Variants in ESCO1 observed in about 807,000 individuals in gnomAD.
The protein encoded by ESCO1 is establishment of sister chromatid cohesion N-acetyltransferase 1.
ESCO1 carries 33 observed loss-of-function variants against 83.5 expected under a neutral mutation model. The ratio of observed to expected loss-of-function variants is 0.40; its 90% CI spans 0.30 to 0.53. ESCO1 has a LOEUF of 0.53. ESCO1 is among the 20% of genes least tolerant of loss of function. The pLI is 0.63. For synonymous variants in ESCO1, 332 were observed against 324.3 expected (o/e 1.02, Z -0.25); for missense variants, 855 against 968.0 (o/e 0.88, Z 1.55).
At chr18:21,548,026 C>G (rs1417295414) in intron 8 of ESCO1, among the ~76,000 whole-genome samples, 2 of 152,112 alleles carry the variant, frequency 1.3e-5, no homozygotes, top group African/African-American at 4.8e-5. Flanking sequence ...GGCGTGAACC[C>G]AGGAGGTGGA....
At chr18:21,542,695 T>A (rs911058106) in intron 8 of ESCO1, among the ~76,000 whole-genome samples, 1 of 152,160 alleles carries the variant, frequency 6.6e-6, no homozygotes, top group Non-Finnish European at 1.5e-5. Flanking sequence ...AGCAATAAAT[T>A]CAAATCATAG....
intron 2 of ESCO1, among the ~76,000 whole-genome samples, chr18:21,579,328 C>T (rs772867944): frequency 5.2e-4 from 79 of 151,970 alleles, no homozygotes; most frequent in Admixed American, 2.8e-3. Context: ...CATGGTGGCA[C>T]GCGCCTGTAG....
chr18:21,590,704 C>T (rs1193386038), intron 1 of ESCO1, among the ~76,000 whole-genome samples: 1 of 151,862 alleles, frequency 6.6e-6, no homozygotes, highest in Non-Finnish European at 1.5e-5. Flanking sequence ...AATCCCAGCA[C>T]TTTGGGAGGC....
At position 21,564,320 on chromosome 18, in the gene ESCO1, T is replaced by TA. The variant is rs762456232; in HGVS notation, c.1707-4dup. On this transcript the variant is annotated splice_polypyrimidine_tract_variant and splice_region_variant and intron_variant, in intron 6 of 11. Transcript: ENST00000269214. ...AAGAATGATTTCGTGGTGTCTCCCT[T>TA]AAAAAAAATAAAATTACTAAATGTT... 3.0e-5 allele frequency: 47 copies of TA among 1,547,276 alleles called. No individual in the cohort carries two copies. The highest frequency in any genetic ancestry group is 3.6e-5 in the Admixed American group (2 of 55,644).
intron 1 of ESCO1, chr18:21,593,369 C>G (rs1199213961): frequency 1.2e-5 from 2 of 165,050 alleles, no homozygotes; most frequent in Non-Finnish European, 2.6e-5. Flanking sequence ...TGGTGGATCA[C>G]TCGCGGTTAG....
At chr18:21,570,658 T>C (rs1273534605) in intron 4 of ESCO1, among the ~76,000 whole-genome samples, 2 of 152,134 alleles carry the variant, frequency 1.3e-5, no homozygotes, top group Non-Finnish European at 2.9e-5. Flanking sequence ...ATTTTAACTA[T>C]AGGGAGATGG....
intron 9 of ESCO1, among the ~76,000 whole-genome samples, chr18:21,536,626 G>A (rs1397733222): frequency 6.6e-6 from 1 of 150,602 alleles, no homozygotes; most frequent in African/African-American, 2.4e-5. Context: ...TTGAATGACT[G>A]TACTGATCAA....
chr18:21,593,133 C>A (rs1204481227), intron 1 of ESCO1: 148 of 164,350 alleles, frequency 9.0e-4, no homozygotes, highest in African/African-American at 3.6e-3. Context: ...AGGGGCTCCT[C>A]ACATCCCAGA....
rs2038405082 is a variant in ESCO1, at chr18:21,575,307, C to T, written c.-464G>A. The T allele has an allele frequency of 2.5e-6, 1 of 395,922 alleles. No individual in the cohort carries two copies. Among genetic ancestry groups the T allele is most frequent in the East Asian group, 3.6e-5 (1 of 27,890 alleles). 24.5% of individuals were successfully genotyped at this position (395,922 alleles called of 1,614,324 possible). On this transcript the variant is annotated 5_prime_UTR_variant, in exon 4 of 12. It removes an upstream start codon present in the reference 5' UTR. Coordinates refer to ENST00000269214, the MANE Select transcript of ESCO1 (RefSeq NM_052911.3). ...TTATTGGACTTCGATTCACTTGAAA[C>T]ATGTCTTATGGCTAACACGTTTCTT...
In ESCO1 at chr18:21,565,585, C is replaced by T. The variant is rs150913336; in HGVS notation, c.1706+561G>A. ...AGAAATATCCAAAATGTTCATAAAGCATAGAACTGTTAAACCACGGTAAAG... is the reference window on the plus strand; with the variant it reads ...AGAAATATCCAAAATGTTCATAAAGTATAGAACTGTTAAACCACGGTAAAG... On this transcript the variant is annotated intron_variant, in intron 6 of 11. Coordinates refer to ENST00000269214, the MANE Select transcript of ESCO1 (RefSeq NM_052911.3). Among the ~76,000 whole-genome samples the T allele has an allele frequency of 2.2e-4, 34 of 152,260 alleles. 1 individual carries two copies. In the South Asian group the frequency reaches 5.0e-3, roughly 22 times the overall value.
At chr18:21,548,818 T>C (rs1037479492) in intron 8 of ESCO1, among the ~76,000 whole-genome samples, 2 of 151,874 alleles carry the variant, frequency 1.3e-5, no homozygotes, top group Non-Finnish European at 2.9e-5. Flanking sequence ...CACATGCTTG[T>C]AGTCCCAGCT....
chr18:21,590,132 T>A (rs2146231365), intron 1 of ESCO1, among the ~76,000 whole-genome samples: 1 of 148,044 alleles, frequency 6.8e-6, no homozygotes, highest in East Asian at 2.1e-4. Flanking sequence ...CGGCCGCAAG[T>A]CCATCATGTC....
chr18:21,585,728 G>A (rs2038566074), intron 1 of ESCO1, among the ~76,000 whole-genome samples: 1 of 152,046 alleles, frequency 6.6e-6, no homozygotes, highest in Non-Finnish European at 1.5e-5. Flanking sequence ...GAGTAGCTGA[G>A]ACCACAGGTA....
intron 8 of ESCO1, among the ~76,000 whole-genome samples, chr18:21,560,596 T>G (rs192062641): frequency 2.0e-5 from 3 of 152,258 alleles, no homozygotes; most frequent in African/African-American, 7.2e-5. Context: ...ATAGCATTAC[T>G]TCTGACAAGT....
At chr18:21,592,797 G>T (rs1323553894) in intron 1 of ESCO1, among the ~76,000 whole-genome samples, 1 of 150,536 alleles carries the variant, frequency 6.6e-6, no homozygotes, top group Non-Finnish European at 1.5e-5. Flanking sequence ...TCTCAGACGG[G>T]GCGGCTGCCG....
At chr18:21,531,990 T>C (rs996983826) in intron 11 of ESCO1, among the ~76,000 whole-genome samples, 1 of 152,002 alleles carries the variant, frequency 6.6e-6, no homozygotes, top group African/African-American at 2.4e-5. Context: ...AGGTACTTTA[T>C]AGGACAAAAA....
intron 1 of ESCO1, among the ~76,000 whole-genome samples, chr18:21,587,325 A>G (rs1353454965): frequency 6.6e-6 from 1 of 152,180 alleles, no homozygotes; most frequent in Non-Finnish European, 1.5e-5. Flanking sequence ...AAAGTCTATG[A>G]AGGATTGGTG....
At chr18:21,569,320 G>A (rs1240537752) in intron 4 of ESCO1, among the ~76,000 whole-genome samples, 1 of 152,232 alleles carries the variant, frequency 6.6e-6, no homozygotes, top group Non-Finnish European at 1.5e-5. Context: ...ACTTCAGGCG[G>A]GGCGTGGTGG....
chr18:21,535,039 T>G (rs1050657937), intron 10 of ESCO1, among the ~76,000 whole-genome samples: 2 of 152,140 alleles, frequency 1.3e-5, no homozygotes, highest in Admixed American at 6.6e-5. Context: ...CATAAATATG[T>G]AAGCCAAATG....
Sources: allele counts gnomAD v4.1 joint callset (sites outside exome capture counted in the v4.1 genomes callset), GRCh38; gene constraint gnomAD v4.1.1; transcripts MANE v1.5; gene names NCBI Gene and HGNC (gene_info 2026-07-23, HGNC 2026-07-21).